DNAH17: variants seen among roughly 807,000 people sequenced by gnomAD.
The protein encoded by DNAH17 is axonemal beta dynein heavy chain 17.
DNAH17 carries 376 observed loss-of-function variants against 485.6 expected under a neutral mutation model. The observed-to-expected ratio is 0.77, with a 90% CI of 0.71 to 0.84. The LOEUF is 0.84. Ranked by LOEUF, DNAH17 falls within the 40% of genes least tolerant of loss-of-function variation. DNAH17 has a pLI of 0.00. For missense variants in DNAH17, 6,370 were observed against 5,839.3 expected (o/e 1.09, Z -2.96); for synonymous variants, 3,031 against 2,405.9 (o/e 1.26, Z -7.60).
Position 78,426,907 on chromosome 17 carries a change from C to G in DNAH17, c.12771+19G>C. 2 of 1,586,028 alleles carry G rather than the reference C, an allele frequency of 1.3e-6. No individual in the cohort carries two copies. Among genetic ancestry groups the G allele is most frequent in the East Asian group, 2.3e-5 (1 of 43,384 alleles). On this transcript the variant is annotated intron_variant, in intron 78 of 80. Coordinates refer to ENST00000389840, the MANE Select transcript of DNAH17 (RefSeq NM_173628.4). ...CACCATCCAGCCACGTCCCTGGGGC[C>G]GGGCTGACCCATGTTTACCTTCAGC... is the stretch of plus-strand genomic sequence containing the variant.
chr17:78,441,256 C>A, intron 71 of DNAH17, 57 bp from the exon 72 acceptor site: 1 of 1,596,550 alleles, frequency 6.3e-7, no homozygotes, highest in East Asian at 2.2e-5. Context: ...CAGGGCGGGG[C>A]GCTCGGGGTG....
rs1284528421 is a variant in DNAH17 at position 78,455,832 on chromosome 17, C to A, written c.9982G>T (p.Val3328Phe). ...ATGTTTTCCGATGCTAATCCCCCGA[C>A]CAGCCTAAAGTGGGATGAGAGAGAA... The part of the protein sequence containing the change: ...NRVILLANRL[V>F]GGLASENIRW... The change falls in exon 63 of 81, where the codon GTC (valine) becomes TTC (phenylalanine). Residue 3328 changes from valine to phenylalanine, a missense_variant. Val to Phe is a conservative substitution (Grantham distance 50). Transcript: ENST00000389840. 6.2e-7 allele frequency: 1 copy of A among 1,600,258 alleles called. No individual in the cohort carries two copies. The highest frequency in any genetic ancestry group is 1.1e-5 in the South Asian group (1 of 89,358).
At chr17:78,424,204 AGGGGCTGGCAGGAAGGGT>A in intron 80 of DNAH17, 51 bp from the exon 81 acceptor site, 2 of 1,558,632 alleles carry the variant, frequency 1.3e-6, no homozygotes, top group Non-Finnish European at 1.7e-6. Context: ...TAAGTGAGGG[AGGGGCTGGCAGGAAGGGT>A]GGGGTCCTCA....
At chr17:78,555,304 ACTACACC>A (rs1439108177) in intron 14 of DNAH17, among the ~76,000 whole-genome samples, 1 of 151,590 alleles carries the variant, frequency 6.6e-6, no homozygotes, top group Non-Finnish European at 1.5e-5. Flanking sequence ...CTGCTCTGAG[ACTACACC>A]CTACGTGAGA....
chr17:78,478,374 C>A (rs1223865653), intron 51 of DNAH17, among the ~76,000 whole-genome samples: 1 of 150,334 alleles, frequency 6.7e-6, no homozygotes, highest in Non-Finnish European at 1.5e-5. Context: ...ACCACCATCA[C>A]TGCCACCACT....
At position 78,494,695 on chromosome 17, in the gene DNAH17, G is replaced by T; in HGVS notation, c.6168C>A (p.Ile2056=). 9 of 1,613,952 alleles carry T rather than the reference G, an allele frequency of 5.6e-6. No homozygotes were observed. Among genetic ancestry groups the T allele is most frequent in the Non-Finnish European group, 7.6e-6 (9 of 1,179,898 alleles). ...VLMRALRDFN[I]PKIVTDDLPV... ...GCAGGTCGTCTGTCACAATCTTGGG[G>T]ATGTTGAAGTCTCTCAGCGCCCGCA... The change falls in exon 40 of 81, where the codon ATC becomes ATA. Residue 2056 remains isoleucine (I), a synonymous_variant. Coordinates refer to ENST00000389840, the MANE Select transcript of DNAH17 (RefSeq NM_173628.4).
At position 78,495,951 on chromosome 17, in the gene DNAH17, C is replaced by T. The variant is rs531885428; in HGVS notation, c.5827G>A (p.Val1943Ile). 4.8e-5 allele frequency: 78 copies of T among 1,613,946 alleles called. No individual in the cohort carries two copies. Among genetic ancestry groups the T allele is most frequent in the South Asian group, 2.0e-4 (18 of 91,078 alleles). The change falls in exon 38 of 81, where the codon GTC becomes ATC. Residue 1943 changes from valine to isoleucine, a missense_variant. Val to Ile is a conservative substitution (Grantham distance 29). Transcript: ENST00000389840. ...GGGTTCATGGTGATGAAGATACCGA[C>T]GGTGGGAATGAGGCCTATGATCTCT... ...LGEIIGLIPT[V>I]GIFITMNPGY...
In DNAH17 at chr17:78,507,455, C is replaced by T. The variant is rs549513962; in HGVS notation, c.4584+3G>A. 3 of 1,612,520 alleles carry T rather than the reference C, an allele frequency of 1.9e-6. No individual in the cohort carries two copies. The highest frequency in any genetic ancestry group is 2.7e-5 in the African/African-American group (2 of 75,052). On this transcript the variant is annotated splice_donor_region_variant and intron_variant, in intron 28 of 80. Coordinates refer to ENST00000389840, the MANE Select transcript of DNAH17 (RefSeq NM_173628.4). ...TGCGTGGGAACCACCGGGCTGTGCT[C>T]ACCTTGAATTCCTGGTTGATGTCGT... is the stretch of plus-strand genomic sequence containing the variant.
At position 78,495,963 on chromosome 17, in the gene DNAH17, G is replaced by A. The variant is rs1568153327; in HGVS notation, c.5815C>T (p.Leu1939Phe). The change falls in exon 38 of 81, where the codon CTC (leucine) becomes TTC (phenylalanine). Residue 1939 changes from leucine to phenylalanine, a missense_variant. Leu to Phe is a conservative substitution (Grantham distance 22). Transcript: ENST00000389840. ...AFNFLGEIIG[L>F]IPTVGIFITM... ...ATGAAGATACCGACGGTGGGAATGA[G>A]GCCTATGATCTCTCCCAGGAAATTG... The A allele has an allele frequency of 6.2e-7, 1 of 1,613,940 alleles. No individual in the cohort carries two copies. Among genetic ancestry groups the A allele is most frequent in the Non-Finnish European group, 8.5e-7 (1 of 1,179,864 alleles).
intron 67 of DNAH17, 66 bp from the exon 68 acceptor site, chr17:78,450,460 A>T: frequency 6.3e-7 from 1 of 1,587,650 alleles, no homozygotes; most frequent in Non-Finnish European, 8.6e-7. Context: ...AGGTGGGCTC[A>T]TTCCCAGCCA....
At chr17:78,537,034 C>T (rs1226253757) in intron 19 of DNAH17, among the ~76,000 whole-genome samples, 1 of 151,656 alleles carries the variant, frequency 6.6e-6, no homozygotes, top group Admixed American at 6.6e-5. Flanking sequence ...AAAAATTAGC[C>T]GGGTGTGGTG....
Position 78,561,978 on chromosome 17 carries a change from G to A in DNAH17, c.1572C>T (p.Leu524=). ...CCATGAGGCCCCCACACATGTACAG[G>A]AGCTGAGGACAAAGGAGAAGGGGGC... ...DCSCIKSSAK[L]LYMCGGLMER... is the part of the protein sequence containing the mutation. The change falls in exon 12 of 81, where the codon CTC becomes CTT. Residue 524 remains leucine (L), a splice_region_variant and synonymous_variant. Coordinates refer to ENST00000389840, the MANE Select transcript of DNAH17 (RefSeq NM_173628.4). 1 of 1,590,400 alleles carries A rather than the reference G, an allele frequency of 6.3e-7. No individual in the cohort carries two copies. The highest frequency in any genetic ancestry group is 8.6e-7 in the Non-Finnish European group (1 of 1,167,972).
At chr17:78,513,834 G>A (rs911229476) in intron 26 of DNAH17, among the ~76,000 whole-genome samples, 3 of 152,184 alleles carry the variant, frequency 2.0e-5, no homozygotes, top group African/African-American at 7.2e-5. Context: ...TTCCTCTGCT[G>A]TAATTGTCAG....
intron 79 of DNAH17, among the ~76,000 whole-genome samples, chr17:78,426,174 C>A (rs116303085): frequency 6.6e-6 from 1 of 152,318 alleles, no homozygotes; most frequent in South Asian, 2.1e-4. Flanking sequence ...TTCATTGCCT[C>A]GCTCCTTATA....
chr17:78,492,857 T>TTTTTTTTTTTTG, intron 41 of DNAH17, 92 bp from the exon 42 acceptor site: 1 of 1,071,796 alleles, frequency 9.3e-7, no homozygotes, highest in Non-Finnish European at 1.2e-6. Context: ...CCTGGATGGT[T>TTTTTTTTTTTTG]TTTTTTTTTT....
rs926868249 is a variant in DNAH17 at position 78,570,950 on chromosome 17, T to A, written c.916A>T (p.Met306Leu). Residue 306 changes from methionine to leucine, a missense_variant and splice_region_variant, in exon 6 of 81, where the codon ATG becomes TTG. By Grantham distance (15) the Met-to-Leu change is conservative. Coordinates refer to ENST00000389840, the MANE Select transcript of DNAH17 (RefSeq NM_173628.4). ...LEEMEQADFT[M>L]LPTFIAKVLD... The stretch of plus-strand genomic sequence containing the variant: ...CCGGCTCTCCCTTGCCTGCGCACCA[T>A]CGTGAAGTCGGCTTGTTCCATCTCC... 4 of 1,544,096 alleles carry A rather than the reference T, an allele frequency of 2.6e-6. No individual in the cohort carries two copies. The highest frequency in any genetic ancestry group is 3.5e-6 in the Non-Finnish European group (4 of 1,140,332).
At chr17:78,537,655 G>A (rs1052432372) in intron 18 of DNAH17, among the ~76,000 whole-genome samples, 174 bp from the exon 19 acceptor site, 9 of 152,186 alleles carry the variant, frequency 5.9e-5, no homozygotes, top group African/African-American at 1.9e-4. Flanking sequence ...TCGCTACAGA[G>A]CCAAATGTAC....
In DNAH17 at chr17:78,566,895, C is replaced by T. The variant is rs183165383; in HGVS notation, c.1452+104G>A. ...TTTTCAAAGTGTTGGGATCACCTGG[C>T]ACCTGCTTCCTCCGTGTGCCCTCCC... On this transcript the variant is annotated intron_variant, in intron 10 of 80. Transcript: ENST00000389840. 2,097 of 1,413,504 alleles carry T rather than the reference C, an allele frequency of 1.5e-3. 3 individuals carry two copies. The highest frequency in any genetic ancestry group is 1.8e-3 in the Non-Finnish European group (1,911 of 1,048,000). The allele number at this position is 1,413,504 out of a possible 1,614,324, so 87.6% of individuals were successfully genotyped here.
chr17:78,440,956 T>A (rs1186033209), intron 72 of DNAH17, 95 bp downstream of exon 72: 1 of 1,436,460 alleles, frequency 7.0e-7, no homozygotes, highest in Non-Finnish European at 9.5e-7. Flanking sequence ...GGGTGTGAAG[T>A]GGTGTCTCAT....
Sources: allele counts gnomAD v4.1 joint callset (sites outside exome capture counted in the v4.1 genomes callset), GRCh38; gene constraint gnomAD v4.1.1; transcripts MANE v1.5; gene names NCBI Gene and HGNC (gene_info 2026-07-23, HGNC 2026-07-21).